GRID2: variants seen among roughly 807,000 people sequenced by gnomAD.
The protein encoded by GRID2 is glutamate receptor ionotropic, delta-2.
In GRID2, 33 loss-of-function variants were observed where a neutral mutation model predicts 114.8. The ratio of observed to expected loss-of-function variants is 0.29; its 90% CI spans 0.22 to 0.38. The LOEUF is 0.38. Among genes scored for constraint, GRID2 ranks in the 10% least tolerant of loss-of-function variants. The pLI is 1.00. For synonymous variants in GRID2, 505 were observed against 449.9 expected, an observed-to-expected ratio of 1.12 and a Z score of -1.55; for missense variants, 1,184 against 1,257.7, an observed-to-expected ratio of 0.94 and a Z score of 0.89.
At chr4:92,377,644 A>G (rs528614914) in intron 1 of GRID2, among the ~76,000 whole-genome samples, 48 of 152,116 alleles carry the variant, frequency 3.2e-4, no homozygotes, top group Non-Finnish European at 6.9e-4. Context: ...GTGAAGAAAA[A>G]GAAGTTTAAT....
chr4:93,210,414 T>G (rs566619935), intron 5 of GRID2, among the ~76,000 whole-genome samples: 1 of 152,166 alleles, frequency 6.6e-6, no homozygotes, highest in Non-Finnish European at 1.5e-5. Context: ...TGCAGCCTTA[T>G]ATCTGGGCAA....
At chr4:92,345,391 C>T (rs1727713601) in intron 1 of GRID2, among the ~76,000 whole-genome samples, 1 of 152,174 alleles carries the variant, frequency 6.6e-6, no homozygotes, top group Admixed American at 6.5e-5. Context: ...CATATCTTTG[C>T]AATTGCAAAT....
intron 2 of GRID2, among the ~76,000 whole-genome samples, chr4:92,996,633 A>G (rs1448085715): frequency 2.0e-5 from 3 of 152,176 alleles, no homozygotes; most frequent in African/African-American, 7.2e-5. Flanking sequence ...ATGAGAAGTC[A>G]GGAGCCGGAA....
intron 9 of GRID2, among the ~76,000 whole-genome samples, chr4:93,417,301 C>A (rs1379555616): frequency 6.6e-6 from 1 of 152,108 alleles, no homozygotes; most frequent in African/African-American, 2.4e-5. Context: ...TTCTTACTAT[C>A]CCATTTCCCT....
chr4:93,584,594 G>A (rs1414313036), intron 13 of GRID2, among the ~76,000 whole-genome samples: 1 of 151,960 alleles, frequency 6.6e-6, no homozygotes, highest in Non-Finnish European at 1.5e-5. Context: ...ATGAGTCAAA[G>A]AATATATTGG....
intron 2 of GRID2, among the ~76,000 whole-genome samples, chr4:92,771,498 C>T (rs1738546517): frequency 6.6e-6 from 1 of 152,028 alleles, no homozygotes; most frequent in Admixed American, 6.6e-5. Flanking sequence ...TATTTCATCC[C>T]TCTTTTGGTT....
intron 14 of GRID2, among the ~76,000 whole-genome samples, chr4:93,761,949 C>A (rs187072639): frequency 3.8e-4 from 58 of 152,302 alleles, no homozygotes; most frequent in Non-Finnish European, 6.6e-4. Context: ...CAAAGTGCCA[C>A]TATGCTTAAT....
intron 3 of GRID2, among the ~76,000 whole-genome samples, chr4:93,106,361 T>C (rs983645096): frequency 3.3e-5 from 5 of 152,196 alleles, no homozygotes; most frequent in Non-Finnish European, 1.5e-5. Flanking sequence ...TTTTTTATTT[T>C]TTTGACATGG....
rs1443682906 is a variant in GRID2, at chr4:93,678,574, A to G, written c.2360+52139A>G. Among the ~76,000 whole-genome samples, 5 of 152,142 alleles carry G rather than the reference A, an allele frequency of 3.3e-5. No homozygotes were observed. The East Asian group carries it at 9.6e-4, about 29-fold the overall frequency. ...GGGAAGCCCATCAGACTAACAGCAG[A>G]TCTCTCAGCAGAAACTCTACAAGCC... On this transcript the variant is annotated intron_variant, in intron 14 of 15. Coordinates refer to ENST00000282020, the MANE Select transcript of GRID2 (RefSeq NM_001510.4).
chr4:93,345,546 A>T (rs1760138430), intron 8 of GRID2, among the ~76,000 whole-genome samples: 2 of 151,974 alleles, frequency 1.3e-5, no homozygotes, highest in Non-Finnish European at 2.9e-5. Context: ...TTTGGATATT[A>T]ATAGTTTGTA....
intron 2 of GRID2, among the ~76,000 whole-genome samples, chr4:92,944,523 G>T (rs902935430): frequency 1.3e-5 from 2 of 152,180 alleles, no homozygotes; most frequent in African/African-American, 2.4e-5. Context: ...TACACTTCCC[G>T]GTTGAGGCGA....
intron 2 of GRID2, among the ~76,000 whole-genome samples, chr4:93,000,909 T>G (rs1182124202): frequency 6.6e-6 from 1 of 151,476 alleles, no homozygotes; most frequent in Non-Finnish European, 1.5e-5. Flanking sequence ...AATACACCCA[T>G]GTAACAAACC....
intron 13 of GRID2, among the ~76,000 whole-genome samples, chr4:93,551,752 C>T (rs1006777294): frequency 6.6e-6 from 1 of 152,054 alleles, no homozygotes; most frequent in Non-Finnish European, 1.5e-5. Context: ...AAATAATGGC[C>T]AAAACTGCAA....
At chr4:93,764,611 T>TTAAC (rs1733481651) in intron 14 of GRID2, among the ~76,000 whole-genome samples, 1 of 152,186 alleles carries the variant, frequency 6.6e-6, no homozygotes, top group African/African-American at 2.4e-5. Context: ...AAGTAAGTGT[T>TTAAC]GTTATGCATC....
At chr4:93,053,849 T>A (rs112135336) in intron 2 of GRID2, among the ~76,000 whole-genome samples, 1 of 151,902 alleles carries the variant, frequency 6.6e-6, no homozygotes, top group Non-Finnish European at 1.5e-5. Context: ...AACACATGGA[T>A]GCTTACCAAG....
intron 2 of GRID2, among the ~76,000 whole-genome samples, chr4:92,879,436 T>A (rs1393355892): frequency 6.6e-6 from 1 of 152,220 alleles, no homozygotes. Context: ...TTAGCCCTAA[T>A]AAGTGCTAAG....
At chr4:93,169,845 A>C (rs1738624078) in intron 4 of GRID2, among the ~76,000 whole-genome samples, 1 of 152,214 alleles carries the variant, frequency 6.6e-6, no homozygotes, top group South Asian at 2.1e-4. Flanking sequence ...TCAAGAAAAC[A>C]ATCCAAACTT....
At chr4:92,823,571 A>G (rs1194743726) in intron 2 of GRID2, among the ~76,000 whole-genome samples, 7 of 152,110 alleles carry the variant, frequency 4.6e-5, no homozygotes, top group Non-Finnish European at 1.0e-4. Context: ...TGTCAACTGA[A>G]TAGTATTTAT....
rs531429784 is a variant in GRID2, at chr4:93,382,975, G to A, written c.1246-12632G>A. Among the ~76,000 whole-genome samples, 24 of 151,880 alleles carry A rather than the reference G, an allele frequency of 1.6e-4. 1 individual carries two copies. In the South Asian group the frequency reaches 3.5e-3, roughly 22 times the overall value. ...TGCAAAGGATCAATCTGAGATGTAC[G>A]TAAATTTAAGGTCTTCTCAAGTCTC... On this transcript the variant is annotated intron_variant, in intron 8 of 15. Transcript: ENST00000282020.
Sources: gnomAD v4.1 joint callset for allele counts (sites outside exome capture counted in the v4.1 genomes callset) on GRCh38, gnomAD v4.1.1 for gene constraint, MANE v1.5 for transcripts, NCBI Gene and HGNC (gene_info 2026-07-23, HGNC 2026-07-21) for gene names.